FSHR: variants seen among roughly 807,000 people sequenced by gnomAD.
FSHR encodes the protein follicle stimulating hormone receptor, also known as follicle-stimulating hormone receptor.
A neutral mutation model predicts 52.1 loss-of-function variants in FSHR; 46 were observed. The ratio of observed to expected loss-of-function variants is 0.88; its 90% CI spans 0.70 to 1.13. The LOEUF (loss-of-function observed/expected upper bound fraction) is 1.13, where lower values mean the gene tolerates loss of function less well. FSHR is among the 50% of genes most tolerant of loss of function. FSHR has a pLI of 0.00. For synonymous variants in FSHR, 399 were observed against 309.6 expected (o/e 1.29, Z -3.03); for missense variants, 964 against 834.6 (o/e 1.16, Z -1.91).
intron 1 of FSHR, among the ~76,000 whole-genome samples, chr2:49,098,581 C>A (rs1670910987): frequency 6.6e-6 from 1 of 151,628 alleles, no homozygotes; most frequent in Non-Finnish European, 1.5e-5. Context: ...TTTGGAGAAT[C>A]TCTATGCCAG....
At chr2:49,028,062 G>T (rs577402573) in intron 2 of FSHR, among the ~76,000 whole-genome samples, 1 of 152,070 alleles carries the variant, frequency 6.6e-6, no homozygotes, top group African/African-American at 2.4e-5. Flanking sequence ...TGATCAGGTC[G>T]TTTGGGTTTC....
At chr2:49,021,944 G>C (rs1452486941) in intron 2 of FSHR, among the ~76,000 whole-genome samples, 1 of 135,580 alleles carries the variant, frequency 7.4e-6, no homozygotes, top group African/African-American at 2.8e-5. Flanking sequence ...CTGGCTATTG[G>C]CCGTTTATTA....
chr2:49,135,683 C>T lies in FSHR; in HGVS notation c.152+18583G>A, dbSNP rs548984825. Among the ~76,000 whole-genome samples, 22 of 152,154 alleles carry T rather than the reference C, an allele frequency of 1.4e-4. No individual in the cohort carries two copies. In the South Asian group the frequency reaches 3.3e-3, roughly 23 times the overall value. On this transcript the variant is annotated intron_variant, in intron 1 of 9. Transcript: ENST00000406846. ...CAATAAAAAAATTCACGCATAACTT[C>T]GAATCCTCTAAAACTTAACTACTAA...
At chr2:48,978,779 T>G (rs1675107869) in intron 8 of FSHR, among the ~76,000 whole-genome samples, 1 of 152,202 alleles carries the variant, frequency 6.6e-6, no homozygotes, top group Admixed American at 6.5e-5. Context: ...TCTGCATCTA[T>G]CTTTCTTTGT....
chr2:48,985,420 A>G (rs1033621231), intron 6 of FSHR, among the ~76,000 whole-genome samples: 2 of 23,892 alleles, frequency 8.4e-5, no homozygotes, highest in East Asian at 4.9e-3. Context: ...ACTGTAACGC[A>G]TATCACTCAT....
chr2:49,079,317 T>C (rs529199140), intron 1 of FSHR, among the ~76,000 whole-genome samples: 1 of 152,284 alleles, frequency 6.6e-6, no homozygotes, highest in South Asian at 2.1e-4. Flanking sequence ...CATCAGTATA[T>C]AAATTGAAGG....
intron 2 of FSHR, among the ~76,000 whole-genome samples, chr2:49,045,985 A>G (rs1159644481): frequency 2.0e-5 from 3 of 152,190 alleles, no homozygotes; most frequent in African/African-American, 4.8e-5. Context: ...ACAAAACACT[A>G]TATGGAGAAA....
chr2:49,128,757 C>T, intron 1 of FSHR, among the ~76,000 whole-genome samples: 1 of 151,820 alleles, frequency 6.6e-6, no homozygotes, highest in African/African-American at 2.4e-5. Context: ...TTAAATGAGT[C>T]TCTGATTCAG....
Position 48,982,918 on chromosome 2 carries a change from A to G in FSHR, c.662T>C (p.Val221Ala). Residue 221 changes from valine (V) to alanine (A), a missense_variant, in exon 8 of 10, where the codon GTC becomes GCC. Transcript: ENST00000406846. Reference sequence around the variant, plus strand: ...AATGGGGAAAGCTACTCACAGAATGACTGGTCCAGAGGCTCCGTGGAAAAC... The same window carrying G: ...AATGGGGAAAGCTACTCACAGAATGGCTGGTCCAGAGGCTCCGTGGAAAAC... ...NDVFHGASGP[V>A]ILDISRTRIH... 1 of 1,612,996 alleles carries G rather than the reference A, an allele frequency of 6.2e-7. No homozygotes were observed. The highest frequency in any genetic ancestry group is 1.3e-5 in the African/African-American group (1 of 75,026).
intron 6 of FSHR, among the ~76,000 whole-genome samples, chr2:48,988,193 T>C (rs1675604297): frequency 6.6e-6 from 1 of 152,236 alleles, no homozygotes; most frequent in Non-Finnish European, 1.5e-5. Context: ...ACTTATGTTT[T>C]GTACATATAG....
chr2:49,069,710 A>C (rs1258994371), intron 1 of FSHR, among the ~76,000 whole-genome samples: 1 of 152,176 alleles, frequency 6.6e-6, no homozygotes, highest in Admixed American at 6.6e-5. Context: ...GGTTGAAGTT[A>C]CAAGTGACCC....
rs750297852 is a variant in FSHR, at chr2:49,070,141, T to A, written c.153-1851A>T. Among the ~76,000 whole-genome samples the A allele has an allele frequency of 5.9e-5, 9 of 152,106 alleles. 1 individual carries two copies. The South Asian group carries it at 1.7e-3, about 28-fold the overall frequency. ...AAACCTTGAAATTGCCAGGAAACAGTTGAGGGCTATAGTTGTTGTAATAGC... is the reference window on the plus strand; with the variant it reads ...AAACCTTGAAATTGCCAGGAAACAGATGAGGGCTATAGTTGTTGTAATAGC... On this transcript the variant is annotated intron_variant, in intron 1 of 9. Coordinates refer to ENST00000406846, the MANE Select transcript of FSHR (RefSeq NM_000145.4).
rs1376679107 is a variant in FSHR, at chr2:49,096,630, T to C, written c.153-28340A>G. On this transcript the variant is annotated intron_variant, in intron 1 of 9. Transcript: ENST00000406846. Reference sequence around the variant, plus strand: ...GTATATGAATATCTCCAGTAAAATATTACAACTACTGCTAATACTAAAATG... The same window carrying C: ...GTATATGAATATCTCCAGTAAAATACTACAACTACTGCTAATACTAAAATG... Among the ~76,000 whole-genome samples the C allele has an allele frequency of 3.3e-5, 5 of 152,200 alleles. No individual in the cohort carries two copies. In the East Asian group the frequency reaches 9.6e-4, roughly 29 times the overall value.
chr2:49,115,217 G>A (rs567890571), intron 1 of FSHR, among the ~76,000 whole-genome samples: 4 of 151,622 alleles, frequency 2.6e-5, no homozygotes, highest in Non-Finnish European at 5.9e-5. Context: ...GAGAGAGATT[G>A]TCGCATTTGG....
intron 2 of FSHR, among the ~76,000 whole-genome samples, 199 bp from the exon 3 acceptor site, chr2:49,020,359 A>G (rs1299253207): frequency 6.6e-6 from 1 of 152,214 alleles, no homozygotes; most frequent in Non-Finnish European, 1.5e-5. Flanking sequence ...GAGGAGAATA[A>G]GTCGAAGGCT....
intron 2 of FSHR, among the ~76,000 whole-genome samples, chr2:49,050,178 CAAT>C (rs1053771274): frequency 3.3e-5 from 5 of 152,136 alleles, no homozygotes; most frequent in Non-Finnish European, 7.4e-5. Context: ...TGACCTGGGT[CAAT>C]AATAACTGCT....
At chr2:49,150,125 G>A (rs544948357) in intron 1 of FSHR, among the ~76,000 whole-genome samples, 1 of 151,940 alleles carries the variant, frequency 6.6e-6, no homozygotes. Flanking sequence ...TCCACTGACT[G>A]CCTCTAGGTG....
At chr2:48,970,027 G>C (rs1258730108) in intron 8 of FSHR, among the ~76,000 whole-genome samples, 1 of 152,196 alleles carries the variant, frequency 6.6e-6, no homozygotes, top group Non-Finnish European at 1.5e-5. Flanking sequence ...ATATACTTGA[G>C]TAAGAAGAGT....
chr2:49,133,581 A>G (rs1448804753), intron 1 of FSHR, among the ~76,000 whole-genome samples: 1 of 152,204 alleles, frequency 6.6e-6, no homozygotes, highest in Admixed American at 6.5e-5. Context: ...TAAAGTTCAT[A>G]TGGAACCAAA....
Sources: allele counts gnomAD v4.1 joint callset (sites outside exome capture counted in the v4.1 genomes callset), GRCh38; gene constraint gnomAD v4.1.1; transcripts MANE v1.5; gene names NCBI Gene and HGNC (gene_info 2026-07-23, HGNC 2026-07-21).